The following CENPW variants were observed in gnomAD, a reference collection of about 807,000 sequenced individuals.
CENPW encodes the protein cancer-up-regulated gene 2 protein.
Under a neutral mutation model 11.1 loss-of-function variants are expected in CENPW, and 3 were observed. The ratio of observed to expected loss-of-function variants is 0.27; its 90% CI spans 0.12 to 0.70. CENPW has a LOEUF of 0.70. CENPW is among the 30% of genes least tolerant of loss of function. CENPW has a pLI of 0.77. For synonymous variants in CENPW, 38 were observed against 42.0 expected, an observed-to-expected ratio of 0.91 and a Z score of 0.37; for missense variants, 100 against 105.6, an observed-to-expected ratio of 0.95 and a Z score of 0.23.
chr6:126,387,830 C>T, the CENPW span, among the ~76,000 whole-genome samples: 2 of 151,906 alleles, frequency 1.3e-5, no homozygotes, highest in African/African-American at 4.8e-5. Flanking sequence ...CTGCCCATGT[C>T]CACTTTCCAA....
chr6:126,393,865 C>T, the CENPW span, among the ~76,000 whole-genome samples: 2 of 151,346 alleles, frequency 1.3e-5, no homozygotes, highest in East Asian at 1.9e-4. Context: ...ATATTGACTC[C>T]TTTATCATTA....
chr6:126,451,873 G>T, the CENPW span, among the ~76,000 whole-genome samples: 2 of 150,854 alleles, frequency 1.3e-5, no homozygotes, highest in Admixed American at 6.6e-5. Flanking sequence ...TCAGGGAAAT[G>T]AGTCCACAAA....
At chr6:126,456,311 A>G in the CENPW span, among the ~76,000 whole-genome samples, 1 of 151,570 alleles carries the variant, frequency 6.6e-6, no homozygotes, top group African/African-American at 2.4e-5. Context: ...CTATACTGCA[A>G]GGCTACAGTA....
chr6:126,370,266 T>C, the CENPW span, among the ~76,000 whole-genome samples: 4 of 152,186 alleles, frequency 2.6e-5, no homozygotes, highest in African/African-American at 7.2e-5. Context: ...TTTTTTGGTT[T>C]CATATGAATT....
chr6:126,472,375 C>A, the CENPW span, among the ~76,000 whole-genome samples: 37 of 152,298 alleles, frequency 2.4e-4, no homozygotes, highest in African/African-American at 8.4e-4. Flanking sequence ...GATGAAATTG[C>A]ATTTTCCACA....
At chr6:126,375,814 A>G in the CENPW span, among the ~76,000 whole-genome samples, 21 of 152,056 alleles carry the variant, frequency 1.4e-4, no homozygotes, top group Non-Finnish European at 2.6e-4. Context: ...AAGGCCATCC[A>G]ATCCTTTACT....
the CENPW span, among the ~76,000 whole-genome samples, chr6:126,382,223 G>A: frequency 6.6e-5 from 10 of 151,108 alleles, no homozygotes; most frequent in Admixed American, 4.0e-4. Flanking sequence ...GGTGACGAGC[G>A]AAAATCCATC....
chr6:126,472,919 G>C, the CENPW span, among the ~76,000 whole-genome samples: 1 of 152,248 alleles, frequency 6.6e-6, no homozygotes, highest in African/African-American at 2.4e-5. Context: ...GATGTGTGGA[G>C]AATTTTTATC....
the CENPW span, among the ~76,000 whole-genome samples, chr6:126,431,358 G>T: frequency 6.6e-6 from 1 of 152,214 alleles, no homozygotes; most frequent in African/African-American, 2.4e-5. Context: ...GTGAAGTAAA[G>T]CAGAGCAATG....
chr6:126,426,936 G>A, the CENPW span, among the ~76,000 whole-genome samples: 1 of 152,222 alleles, frequency 6.6e-6, no homozygotes, highest in African/African-American at 2.4e-5. Flanking sequence ...GCATCATGAT[G>A]CAGCTGTTCT....
the CENPW span, among the ~76,000 whole-genome samples, chr6:126,449,907 T>C: frequency 2.6e-5 from 4 of 150,970 alleles, no homozygotes; most frequent in Non-Finnish European, 5.9e-5. Context: ...AGGTGAAAAA[T>C]GATTGAATAT....
At chr6:126,435,160 TC>T in the CENPW span, among the ~76,000 whole-genome samples, 1 of 152,006 alleles carries the variant, frequency 6.6e-6, no homozygotes, top group African/African-American at 2.4e-5. Context: ...CACTTCTTTG[TC>T]TTAAAACATA....
chr6:126,427,610 A>C, the CENPW span, among the ~76,000 whole-genome samples: 1 of 152,230 alleles, frequency 6.6e-6, no homozygotes, highest in African/African-American at 2.4e-5. Flanking sequence ...AGAAAGTTTC[A>C]GATCACTTTT....
At chr6:126,384,290 A>T in the CENPW span, among the ~76,000 whole-genome samples, 1 of 152,080 alleles carries the variant, frequency 6.6e-6, no homozygotes, top group East Asian at 1.9e-4. Context: ...TAAAAAATTT[A>T]TATGGAACCA....
At chr6:126,422,908 G>A in the CENPW span, among the ~76,000 whole-genome samples, 2 of 152,106 alleles carry the variant, frequency 1.3e-5, no homozygotes, top group African/African-American at 4.8e-5. Context: ...GCCTTCTGAA[G>A]TAATAAAGCT....
the CENPW span, among the ~76,000 whole-genome samples, chr6:126,361,794 T>C: frequency 6.6e-6 from 1 of 152,130 alleles, no homozygotes; most frequent in Non-Finnish European, 1.5e-5. Flanking sequence ...CTTTCTGAAC[T>C]GGTACTGTGG....
the CENPW span, among the ~76,000 whole-genome samples, chr6:126,374,288 C>T: frequency 7.2e-5 from 11 of 152,042 alleles, no homozygotes; most frequent in South Asian, 8.3e-4. Context: ...TTTTAAAGGC[C>T]GATGCAATTC....
chr6:126,366,269 C>T, the CENPW span, among the ~76,000 whole-genome samples: 1 of 152,104 alleles, frequency 6.6e-6, no homozygotes, highest in Admixed American at 6.5e-5. Flanking sequence ...AATTACCTTA[C>T]TCATAAATAG....
chr6:126,466,302 G>A, the CENPW span, among the ~76,000 whole-genome samples: 18 of 152,108 alleles, frequency 1.2e-4, no homozygotes, highest in African/African-American at 4.3e-4. Context: ...TAAATCACTG[G>A]GGTCTATAAA....
Sources: gnomAD v4.1 joint callset for allele counts (sites outside exome capture counted in the v4.1 genomes callset) on GRCh38, gnomAD v4.1.1 for gene constraint, MANE v1.5 for transcripts, NCBI Gene and HGNC (gene_info 2026-07-23, HGNC 2026-07-21) for gene names.